SMCO2: variants seen among roughly 807,000 people sequenced by gnomAD.
SMCO2 encodes single-pass membrane and coiled-coil domain-containing protein 2.
A neutral mutation model predicts 29.5 loss-of-function variants in SMCO2; 25 were observed. The observed-to-expected ratio is 0.85, with a 90% confidence interval of 0.62 to 1.18. The LOEUF (loss-of-function observed/expected upper bound fraction) is 1.18, where lower values mean the gene tolerates loss of function less well. Among genes scored for constraint, SMCO2 ranks in the 50% most tolerant of loss-of-function variants. The pLI is 0.00. For synonymous variants in SMCO2, 117 were observed against 123.3 expected (o/e 0.95, Z 0.34); for missense variants, 348 against 344.5 (o/e 1.01, Z -0.08).
the SMCO2 span, among the ~76,000 whole-genome samples, chr12:27,457,023 G>A: frequency 6.6e-6 from 1 of 152,196 alleles, no homozygotes; most frequent in Non-Finnish European, 1.5e-5. Flanking sequence ...AGTTGGAACA[G>A]TTTCATCCCA....
intron 5 of SMCO2, among the ~76,000 whole-genome samples, chr12:27,490,737 C>T (rs1450647143): frequency 6.6e-6 from 1 of 152,066 alleles, no homozygotes; most frequent in Admixed American, 6.6e-5. Flanking sequence ...TGAGACCAGC[C>T]ACGGCAACAT....
At chr12:27,488,533 G>A (rs1222719706) in exon 5 of SMCO2, 4 of 1,540,148 alleles carry the variant, frequency 2.6e-6, no homozygotes, top group East Asian at 5.0e-5. Context: ...CCTTGATCAA[G>A]GGACAAGCAC....
At chr12:27,479,936 C>T (rs1362438492) in intron 4 of SMCO2, among the ~76,000 whole-genome samples, 6 of 152,170 alleles carry the variant, frequency 3.9e-5, no homozygotes, top group African/African-American at 1.4e-4. Flanking sequence ...TGAAGTCCCA[C>T]GATACGCTGT....
chr12:27,458,414 C>A, the SMCO2 span, among the ~76,000 whole-genome samples: 700 of 152,292 alleles, frequency 4.6e-3, 6 homozygotes, highest in African/African-American at 0.016. Context: ...GTTTTCTAAG[C>A]ACTTATGCAA....
chr12:27,498,708 A>C (rs1943041571), intron 7 of SMCO2: 2 of 150,826 alleles, frequency 1.3e-5, no homozygotes, highest in African/African-American at 2.5e-5. Flanking sequence ...GTGAAAAAAA[A>C]ATAACTCTTA....
chr12:27,489,017 ACT>A (rs1435636480), intron 5 of SMCO2, among the ~76,000 whole-genome samples: 1 of 149,414 alleles, frequency 6.7e-6, no homozygotes, highest in Non-Finnish European at 1.5e-5. Flanking sequence ...CTTCTTATAG[ACT>A]CTTCTCAAAT....
At chr12:27,425,886 G>A in the SMCO2 span, among the ~76,000 whole-genome samples, 2 of 152,254 alleles carry the variant, frequency 1.3e-5, no homozygotes, top group East Asian at 3.9e-4. Context: ...GTTGGCATCT[G>A]ACATCTTTTC....
At chr12:27,435,716 C>A in the SMCO2 span, among the ~76,000 whole-genome samples, 2 of 152,054 alleles carry the variant, frequency 1.3e-5, no homozygotes, top group African/African-American at 4.8e-5. Context: ...TCCAAAAATT[C>A]CCACCTCTGG....
chr12:27,447,384 C>T, the SMCO2 span, among the ~76,000 whole-genome samples: 359 of 152,160 alleles, frequency 2.4e-3, 1 homozygote, highest in African/African-American at 8.2e-3. Flanking sequence ...CCTGGCTAAC[C>T]CTTTCTTGCT....
the SMCO2 span, among the ~76,000 whole-genome samples, chr12:27,436,268 T>G: frequency 6.6e-6 from 1 of 152,198 alleles, no homozygotes; most frequent in African/African-American, 2.4e-5. Context: ...TCACCTTGGG[T>G]GGGGAGCTCA....
exon 8 of SMCO2, chr12:27,502,127 C>T (rs1253073728): frequency 1.3e-6 from 2 of 1,511,550 alleles, no homozygotes; most frequent in Non-Finnish European, 1.8e-6. Flanking sequence ...CCTAAAGATA[C>T]AGAAGTTACT....
intron 4 of SMCO2, among the ~76,000 whole-genome samples, chr12:27,480,847 T>C (rs1949636555): frequency 6.6e-6 from 1 of 152,292 alleles, no homozygotes; most frequent in South Asian, 2.1e-4. Context: ...TACAGAACCA[T>C]AGGCCAAAAT....
the SMCO2 span, among the ~76,000 whole-genome samples, chr12:27,436,908 C>T: frequency 1.3e-5 from 2 of 152,304 alleles, no homozygotes; most frequent in South Asian, 4.1e-4. Context: ...TCACTCTCTT[C>T]AAACTTTCCA....
intron 4 of SMCO2, among the ~76,000 whole-genome samples, chr12:27,487,982 C>T (rs1949703935): frequency 6.6e-6 from 1 of 151,916 alleles, no homozygotes; most frequent in Admixed American, 6.6e-5. Context: ...AGTCTAGATA[C>T]AAGGCCTTTG....
At chr12:27,487,700 G>A (rs748965665) in intron 4 of SMCO2, among the ~76,000 whole-genome samples, 1 of 149,870 alleles carries the variant, frequency 6.7e-6, no homozygotes, top group South Asian at 2.1e-4. Context: ...GAATGATCGC[G>A]TTTCTCCACA....
upstream of SMCO2, among the ~76,000 whole-genome samples, chr12:27,462,540 C>T (rs1170188938): frequency 6.6e-6 from 1 of 152,166 alleles, no homozygotes; most frequent in East Asian, 1.9e-4. Context: ...CTACTCTGTT[C>T]CAGGAGCTTT....
At chr12:27,460,454 T>C in the SMCO2 span, among the ~76,000 whole-genome samples, 3 of 152,258 alleles carry the variant, frequency 2.0e-5, no homozygotes, top group Admixed American at 2.0e-4. Flanking sequence ...TAAAGTAAGC[T>C]AGTGAAAAGA....
the SMCO2 span, among the ~76,000 whole-genome samples, chr12:27,440,258 G>A: frequency 6.6e-6 from 1 of 152,182 alleles, no homozygotes; most frequent in African/African-American, 2.4e-5. Context: ...TCTCAAAATT[G>A]TCATTCACAT....
the SMCO2 span, among the ~76,000 whole-genome samples, chr12:27,450,551 T>C: frequency 1.3e-4 from 20 of 152,304 alleles, no homozygotes; most frequent in Non-Finnish European, 2.6e-4. Flanking sequence ...CAGCGGCTCC[T>C]GGGAAGCCAT....
Sources: allele counts gnomAD v4.1 joint callset (sites outside exome capture counted in the v4.1 genomes callset), GRCh38; gene constraint gnomAD v4.1.1; transcripts MANE v1.5; gene names NCBI Gene and HGNC (gene_info 2026-07-23, HGNC 2026-07-21).